ANKS1B: variants seen among roughly 807,000 people sequenced by gnomAD.
ANKS1B encodes the protein ankyrin repeat and sterile alpha motif domain containing 1B.
In ANKS1B, 36 loss-of-function variants were observed where a neutral mutation model predicts 148.3. That is an observed-to-expected ratio of 0.24 (90% CI 0.19 to 0.32). The LOEUF (loss-of-function observed/expected upper bound fraction) is 0.32. ANKS1B is among the 10% of genes least tolerant of loss of function. The pLI, the probability that ANKS1B is intolerant of heterozygous loss-of-function variation, is 1.00. For synonymous variants in ANKS1B, 542 were observed against 560.8 expected (o/e 0.97, Z 0.47); for missense variants, 1,157 against 1,542.6 (o/e 0.75, Z 4.19).
intron 19 of ANKS1B, among the ~76,000 whole-genome samples, chr12:98,821,254 T>C (rs2099187666): frequency 6.6e-6 from 1 of 152,224 alleles, no homozygotes; most frequent in South Asian, 2.1e-4. Flanking sequence ...ATGAAATCAA[T>C]ACTCATCTGA....
Position 99,975,092 on chromosome 12 carries a change from G to T in ANKS1B, c.134+9012C>A, listed in dbSNP as rs147148227. Among the ~76,000 whole-genome samples, 1,045 of 152,218 alleles carry T rather than the reference G, an allele frequency of 6.9e-3. 12 individuals carry two copies. Among genetic ancestry groups the T allele is most frequent in the African/African-American group, 0.024 (995 of 41,534 alleles). On this transcript the variant is annotated intron_variant, in intron 1 of 26. Transcript: ENST00000683438. ...CTTGACCCTGGGGGGCAATGAGGCT[G>T]CAGTAAGCTGTGATTGCACCACAGC...
chr12:99,589,263 G>A (rs866139440), intron 9 of ANKS1B, among the ~76,000 whole-genome samples: 2 of 152,172 alleles, frequency 1.3e-5, no homozygotes, highest in Non-Finnish European at 2.9e-5. Context: ...AGGTCACCAC[G>A]TTACTACTTT....
intron 8 of ANKS1B, among the ~76,000 whole-genome samples, chr12:99,691,189 C>G (rs2153503515): frequency 6.6e-6 from 1 of 152,310 alleles, no homozygotes; most frequent in East Asian, 1.9e-4. Flanking sequence ...GCAGGAGGGC[C>G]CTGAGCCCAC....
At chr12:99,129,843 A>G (rs2065581041) in intron 15 of ANKS1B, among the ~76,000 whole-genome samples, 1 of 152,246 alleles carries the variant, frequency 6.6e-6, no homozygotes, top group Non-Finnish European at 1.5e-5. Flanking sequence ...TCAGTATAAC[A>G]TTGGGATTTT....
chr12:99,332,579 G>A (rs987034042), intron 12 of ANKS1B, among the ~76,000 whole-genome samples: 5 of 151,742 alleles, frequency 3.3e-5, no homozygotes, highest in East Asian at 1.9e-4. Flanking sequence ...TGCTAAAAAC[G>A]TGTACCTGGC....
chr12:99,213,246 G>A (rs186836899), intron 14 of ANKS1B, among the ~76,000 whole-genome samples: 2 of 152,294 alleles, frequency 1.3e-5, no homozygotes, highest in African/African-American at 2.4e-5. Flanking sequence ...TCTACCCAGA[G>A]CACAGCTCCC....
rs76403736 is a variant in ANKS1B at position 99,118,904 on chromosome 12, C to T, written c.2527-33881G>A. 1.2e-4 allele frequency among the ~76,000 whole-genome samples: 19 copies of T among 152,232 alleles called. 1 individual carries two copies. Among genetic ancestry groups the T allele is most frequent in the Middle Eastern group, 3.4e-3 (1 of 294 alleles). On this transcript the variant is annotated intron_variant, in intron 15 of 26. Transcript: ENST00000683438. Reference sequence around the variant, plus strand: ...TTATGTATGTTCAGAAGTATTGGATCAGTTTTTGGTCTCGGGGTAACAACA... The same window carrying T: ...TTATGTATGTTCAGAAGTATTGGATTAGTTTTTGGTCTCGGGGTAACAACA...
chr12:99,538,184 G>A (rs1169042181), intron 9 of ANKS1B, among the ~76,000 whole-genome samples: 3 of 152,030 alleles, frequency 2.0e-5, no homozygotes, highest in Non-Finnish European at 4.4e-5. Context: ...TTGAAGTCAG[G>A]TAATGTGATT....
intron 12 of ANKS1B, among the ~76,000 whole-genome samples, chr12:99,365,851 G>A (rs1435715913): frequency 2.6e-5 from 4 of 151,982 alleles, no homozygotes; most frequent in Admixed American, 2.6e-4. Context: ...TTACAAAGGA[G>A]AAGAAAGAAG....
At chr12:99,659,686 T>C (rs889349413) in intron 8 of ANKS1B, among the ~76,000 whole-genome samples, 12 of 152,094 alleles carry the variant, frequency 7.9e-5, no homozygotes, top group Non-Finnish European at 1.5e-4. Flanking sequence ...GTAAATTATA[T>C]GACAACTATA....
intron 19 of ANKS1B, among the ~76,000 whole-genome samples, chr12:98,825,051 A>T (rs183519828): frequency 6.6e-6 from 1 of 152,268 alleles, no homozygotes; most frequent in Admixed American, 6.5e-5. Context: ...ACTATAGAAG[A>T]ACAAGGATAG....
intron 16 of ANKS1B, among the ~76,000 whole-genome samples, chr12:99,082,165 C>G (rs569007042): frequency 5.9e-5 from 9 of 152,118 alleles, no homozygotes; most frequent in Non-Finnish European, 1.0e-4. Context: ...CAGTCAAGGT[C>G]CCTGACCTTA....
intron 1 of ANKS1B, among the ~76,000 whole-genome samples, chr12:99,961,493 ATC>A (rs1450759084): frequency 1.3e-5 from 2 of 152,122 alleles, no homozygotes; most frequent in Non-Finnish European, 1.5e-5. Context: ...ACAAGATCCT[ATC>A]TCCCTGCCTT....
chr12:99,623,298 C>T (rs1433447777), intron 9 of ANKS1B, among the ~76,000 whole-genome samples: 1 of 151,226 alleles, frequency 6.6e-6, no homozygotes, highest in African/African-American at 2.4e-5. Flanking sequence ...CAGCTAACAT[C>T]ATTCTGAACA....
Position 99,458,310 on chromosome 12 carries a change from C to T in ANKS1B, c.1439-14501G>A, listed in dbSNP as rs2095879459. Among the ~76,000 whole-genome samples, 3 of 151,828 alleles carry T rather than the reference C, an allele frequency of 2.0e-5. No homozygotes were observed. In the South Asian group the frequency reaches 6.2e-4, roughly 31 times the overall value. On this transcript the variant is annotated intron_variant, in intron 10 of 26. Transcript: ENST00000683438. ...AAAAGTTCATAGCATCAAATGTCTACTTCAAAACATCTGAGAGCACAAATA... is the reference window on the plus strand; with the variant it reads ...AAAAGTTCATAGCATCAAATGTCTATTTCAAAACATCTGAGAGCACAAATA...
intron 1 of ANKS1B, among the ~76,000 whole-genome samples, chr12:99,912,272 A>C (rs1005176791): frequency 3.3e-5 from 5 of 152,170 alleles, no homozygotes; most frequent in African/African-American, 7.2e-5. Context: ...ACTGTTTTAC[A>C]GTGTGTTTAC....
chr12:99,803,278 C>CCA (rs1248346441), intron 4 of ANKS1B, among the ~76,000 whole-genome samples: 1 of 131,056 alleles, frequency 7.6e-6, no homozygotes, highest in East Asian at 2.3e-4. Context: ...AATATTCACC[C>CCA]CCCCCCAAAA....
intron 12 of ANKS1B, among the ~76,000 whole-genome samples, chr12:99,382,354 A>G (rs1036820491): frequency 6.6e-6 from 1 of 152,212 alleles, no homozygotes; most frequent in African/African-American, 2.4e-5. Flanking sequence ...AAATGGAAAT[A>G]GACAGAGTCC....
chr12:99,935,357 C>CCAA (rs369788265), intron 1 of ANKS1B, among the ~76,000 whole-genome samples: 15 of 130,220 alleles, frequency 1.2e-4, no homozygotes, highest in Non-Finnish European at 2.1e-4. Flanking sequence ...AGATGCCTGA[C>CCAA]AAAAAAAAAA....
Sources: allele counts gnomAD v4.1 joint callset (sites outside exome capture counted in the v4.1 genomes callset), GRCh38; gene constraint gnomAD v4.1.1; transcripts MANE v1.5; gene names NCBI Gene and HGNC (gene_info 2026-07-23, HGNC 2026-07-21).